The following FHIT variants were observed in gnomAD, a reference collection of about 807,000 sequenced individuals.
FHIT encodes fragile histidine triad diadenosine triphosphatase, also known as bis(5'-adenosyl)-triphosphatase.
In FHIT, 19 loss-of-function variants were observed where a neutral mutation model predicts 17.9. The ratio of observed to expected loss-of-function variants is 1.06; its 90% CI spans 0.74 to 1.56. FHIT has a LOEUF of 1.56. Among genes scored for constraint, FHIT ranks in the 40% most tolerant of loss-of-function variants. The pLI, the probability that FHIT is intolerant of heterozygous loss-of-function variation, is 0.00. For missense variants in FHIT, 248 were observed against 189.2 expected (o/e 1.31, Z -1.82); for synonymous variants, 81 against 69.7 (o/e 1.16, Z -0.81).
intron 3 of FHIT, among the ~76,000 whole-genome samples, chr3:60,951,046 T>C (rs2107457847): frequency 6.6e-6 from 1 of 152,298 alleles, no homozygotes; most frequent in Admixed American, 6.5e-5. Context: ...AAGTCACTAT[T>C]GGTTGGATTT....
intron 1 of FHIT, among the ~76,000 whole-genome samples, chr3:61,207,732 G>C (rs560491338): frequency 3.5e-4 from 53 of 152,176 alleles, no homozygotes; most frequent in Non-Finnish European, 7.2e-4. Context: ...AGTCTTGCTA[G>C]AGGTCTATCA....
intron 7 of FHIT, among the ~76,000 whole-genome samples, chr3:59,985,453 G>C (rs1476403961): frequency 6.6e-6 from 1 of 152,122 alleles, no homozygotes; most frequent in Non-Finnish European, 1.5e-5. Flanking sequence ...CTAAGGACCA[G>C]TTATCCCTAT....
In FHIT at chr3:61,157,388, C is replaced by T. The variant is rs566606576; in HGVS notation, c.-164+43229G>A. Among the ~76,000 whole-genome samples the T allele has an allele frequency of 2.6e-5, 4 of 152,164 alleles. No individual in the cohort carries two copies. In the South Asian group the frequency reaches 6.2e-4, roughly 24 times the overall value. On this transcript the variant is annotated intron_variant, in intron 2 of 9. Coordinates refer to ENST00000492590, the MANE Select transcript of FHIT (RefSeq NM_002012.4). ...ATTCACTTCTGAGTATATATTAATA[C>T]CCAAGAGAAACTTGAGCACATATGT...
intron 4 of FHIT, among the ~76,000 whole-genome samples, chr3:60,559,564 T>C (rs1422082453): frequency 6.6e-6 from 1 of 152,156 alleles, no homozygotes; most frequent in African/African-American, 2.4e-5. Flanking sequence ...GTGCTCTCTC[T>C]CACTTTAGAG....
At chr3:60,228,680 A>G (rs1704337804) in intron 5 of FHIT, among the ~76,000 whole-genome samples, 2 of 152,186 alleles carry the variant, frequency 1.3e-5, no homozygotes. Context: ...TTTTAGGTAC[A>G]AAGGCCAATT....
At chr3:60,030,958 T>G (rs1700974471) in intron 5 of FHIT, among the ~76,000 whole-genome samples, 1 of 152,216 alleles carries the variant, frequency 6.6e-6, no homozygotes, top group East Asian at 1.9e-4. Flanking sequence ...CTGGGTTGTC[T>G]TCCTTTTCCC....
chr3:60,464,245 T>C (rs546369610), intron 5 of FHIT, among the ~76,000 whole-genome samples: 1 of 152,266 alleles, frequency 6.6e-6, no homozygotes, highest in Non-Finnish European at 1.5e-5. Flanking sequence ...ACATATAAGA[T>C]ATGTTGTAGG....
chr3:60,188,313 C>T (rs1457985093), intron 5 of FHIT, among the ~76,000 whole-genome samples: 3 of 151,310 alleles, frequency 2.0e-5, no homozygotes, highest in South Asian at 2.1e-4. Flanking sequence ...TGTTATTCCA[C>T]CTCACTTTTG....
At chr3:61,243,902 T>G (rs1001230943) in intron 1 of FHIT, 5 of 152,212 alleles carry the variant, frequency 3.3e-5, no homozygotes, top group African/African-American at 1.2e-4. Flanking sequence ...GTTCATCAAA[T>G]TCCATGACAG....
chr3:60,580,249 T>C (rs1247744956), intron 4 of FHIT, among the ~76,000 whole-genome samples: 1 of 152,160 alleles, frequency 6.6e-6, no homozygotes, highest in Non-Finnish European at 1.5e-5. Flanking sequence ...TGTTGTCTAA[T>C]GGATTCAGTG....
chr3:60,387,404 C>T (rs888542986), intron 5 of FHIT, among the ~76,000 whole-genome samples: 8 of 152,148 alleles, frequency 5.3e-5, no homozygotes, highest in African/African-American at 1.9e-4. Context: ...CTTAAAACTT[C>T]CCGAACTGAT....
chr3:59,797,984 C>A (rs1335048887), intron 8 of FHIT, among the ~76,000 whole-genome samples: 1 of 152,170 alleles, frequency 6.6e-6, no homozygotes, highest in Non-Finnish European at 1.5e-5. Flanking sequence ...ACCACAAGAA[C>A]AGTATATTCA....
intron 5 of FHIT, among the ~76,000 whole-genome samples, chr3:60,308,580 C>CG (rs1447947302): frequency 1.3e-5 from 2 of 151,180 alleles, no homozygotes; most frequent in Non-Finnish European, 2.9e-5. Flanking sequence ...GGGTCCCCCC[C>CG]CAACAATTAG....
chr3:60,789,957 C>T (rs1433541947), intron 4 of FHIT, among the ~76,000 whole-genome samples: 7 of 152,068 alleles, frequency 4.6e-5, no homozygotes, highest in Non-Finnish European at 5.9e-5. Flanking sequence ...AGAAGTGTAG[C>T]GTCAAAAAGG....
intron 8 of FHIT, among the ~76,000 whole-genome samples, chr3:59,799,125 T>C (rs1244403526): frequency 1.3e-5 from 2 of 152,256 alleles, no homozygotes; most frequent in African/African-American, 4.8e-5. Context: ...AACTCAGTTT[T>C]AAACAACATC....
At chr3:59,790,966 T>C (rs1699530966) in intron 8 of FHIT, among the ~76,000 whole-genome samples, 2 of 152,230 alleles carry the variant, frequency 1.3e-5, no homozygotes, top group Non-Finnish European at 2.9e-5. Flanking sequence ...GTTGAACTTC[T>C]ATTCACCCTT....
intron 4 of FHIT, among the ~76,000 whole-genome samples, chr3:60,766,958 G>C (rs1287022457): frequency 6.6e-6 from 1 of 152,162 alleles, no homozygotes; most frequent in Non-Finnish European, 1.5e-5. Context: ...AATGTGGCAT[G>C]CTCAATCTCC....
intron 5 of FHIT, among the ~76,000 whole-genome samples, chr3:60,176,923 T>C (rs1484425369): frequency 6.6e-6 from 1 of 151,676 alleles, no homozygotes; most frequent in Non-Finnish European, 1.5e-5. Flanking sequence ...AAAAGGATCA[T>C]GGAAAGAAAC....
intron 5 of FHIT, among the ~76,000 whole-genome samples, chr3:60,433,289 T>G (rs375621595): frequency 9.6e-4 from 146 of 152,208 alleles, no homozygotes; most frequent in Middle Eastern, 3.4e-3. Context: ...GTACTATACA[T>G]GTATATCACA....
Sources: allele counts gnomAD v4.1 joint callset (sites outside exome capture counted in the v4.1 genomes callset), GRCh38; gene constraint gnomAD v4.1.1; transcripts MANE v1.5; gene names NCBI Gene and HGNC (gene_info 2026-07-23, HGNC 2026-07-21).